NFASC: variants seen among roughly 807,000 people sequenced by gnomAD.
The protein encoded by NFASC is neurofascin, also known as neurofascin homolog.
Under a neutral mutation model 147.5 loss-of-function variants are expected in NFASC, and 43 were observed. The observed-to-expected ratio is 0.29, with a 90% confidence interval of 0.23 to 0.38. NFASC has a LOEUF of 0.38. Among genes scored for constraint, NFASC ranks in the 10% least tolerant of loss-of-function variants. NFASC has a pLI of 1.00. For synonymous variants in NFASC, 622 were observed against 665.5 expected, an observed-to-expected ratio of 0.93 and a Z score of 1.01; for missense variants, 1,320 against 1,689.0, an observed-to-expected ratio of 0.78 and a Z score of 3.83.
intron 1 of NFASC, among the ~76,000 whole-genome samples, chr1:204,835,459 C>T (rs2102405677): frequency 6.6e-6 from 1 of 152,152 alleles, no homozygotes; most frequent in East Asian, 1.9e-4. Context: ...GAACTCCTGA[C>T]CTCAAGTGAT....
At chr1:204,849,037 A>G (rs2075426150) in intron 1 of NFASC, among the ~76,000 whole-genome samples, 1 of 152,194 alleles carries the variant, frequency 6.6e-6, no homozygotes, top group African/African-American at 2.4e-5. Flanking sequence ...GCCTAAGTGA[A>G]TTCTGTGTGC....
At chr1:204,982,779 A>G (rs372003882) in intron 21 of NFASC, among the ~76,000 whole-genome samples, 31 of 152,148 alleles carry the variant, frequency 2.0e-4, no homozygotes, top group African/African-American at 7.2e-4. Context: ...CGCCCTGTTG[A>G]GTCTGGGTCT....
chr1:204,837,255 T>TG (rs761047971), intron 1 of NFASC, among the ~76,000 whole-genome samples: 5 of 151,982 alleles, frequency 3.3e-5, no homozygotes, highest in South Asian at 2.1e-4. Flanking sequence ...TGAAGAGAAG[T>TG]GGGGGTTGGC....
intron 1 of NFASC, among the ~76,000 whole-genome samples, chr1:204,883,099 T>C (rs181596867): frequency 6.6e-6 from 1 of 152,196 alleles, no homozygotes; most frequent in Non-Finnish European, 1.5e-5. Context: ...AAAGCCGATC[T>C]TAAACAGTAG....
chr1:204,937,391 A>G (rs2092958032), intron 2 of NFASC, among the ~76,000 whole-genome samples: 2 of 152,238 alleles, frequency 1.3e-5, no homozygotes. Context: ...AATGACAAGT[A>G]TCTACTATTA....
intron 1 of NFASC, among the ~76,000 whole-genome samples, chr1:204,901,739 A>G (rs990989718): frequency 6.6e-6 from 1 of 152,134 alleles, no homozygotes; most frequent in African/African-American, 2.4e-5. Context: ...AAATCACAGC[A>G]TGTTTGTAAG....
chr1:204,936,966 C>G (rs1196025748), intron 2 of NFASC, among the ~76,000 whole-genome samples: 1 of 152,234 alleles, frequency 6.6e-6, no homozygotes, highest in Non-Finnish European at 1.5e-5. Flanking sequence ...CAATGTGATT[C>G]CTGCCACAGG....
intron 16 of NFASC, 129 bp from the exon 17 acceptor site, chr1:204,977,552 G>C (rs1436403292): frequency 1.4e-6 from 1 of 715,080 alleles, no homozygotes; most frequent in Non-Finnish European, 2.3e-6. Context: ...GAAGGACGGG[G>C]ACAGCCCTGC....
chr1:204,869,479 T>A (rs1210710450), intron 1 of NFASC, among the ~76,000 whole-genome samples: 1 of 152,258 alleles, frequency 6.6e-6, no homozygotes, highest in East Asian at 1.9e-4. Context: ...TCCATTTGAT[T>A]AAAATATTTT....
At chr1:204,912,334 T>C (rs1331184153) in intron 1 of NFASC, among the ~76,000 whole-genome samples, 1 of 152,106 alleles carries the variant, frequency 6.6e-6, no homozygotes, top group East Asian at 1.9e-4. Context: ...TGTATTTTCA[T>C]TTTTATTCAG....
At chr1:204,960,994 A>G (rs1252781867) in intron 8 of NFASC, among the ~76,000 whole-genome samples, 1 of 152,134 alleles carries the variant, frequency 6.6e-6, no homozygotes, top group African/African-American at 2.4e-5. Flanking sequence ...AAATATGCAA[A>G]TGTTTTGGCA....
intron 1 of NFASC, among the ~76,000 whole-genome samples, chr1:204,848,298 A>G (rs1427888746): frequency 1.3e-5 from 2 of 152,184 alleles, no homozygotes; most frequent in Non-Finnish European, 2.9e-5. Flanking sequence ...TGGCGCAATT[A>G]CAGCTCACTG....
chr1:204,839,817 G>A (rs1410585094), intron 1 of NFASC, among the ~76,000 whole-genome samples: 8 of 152,326 alleles, frequency 5.3e-5, no homozygotes, highest in South Asian at 4.1e-4. Flanking sequence ...GAAGAGATTT[G>A]TTGGGTCTCC....
At chr1:205,005,647 C>T (rs778246924) in intron 27 of NFASC, among the ~76,000 whole-genome samples, 1 of 152,200 alleles carries the variant, frequency 6.6e-6, no homozygotes, top group African/African-American at 2.4e-5. Flanking sequence ...AAATGCCTTC[C>T]TCTCAGAGTC....
chr1:204,988,697 G>A lies in NFASC; in HGVS notation c.2658G>A (p.Thr886=), dbSNP rs763672918. The A allele has an allele frequency of 3.8e-5, 61 of 1,614,082 alleles. No homozygotes were observed. The highest frequency in any genetic ancestry group is 6.7e-5 in the East Asian group (3 of 44,900). ...ENFSPNQTKF[T]VQRTDPVSRY... ...TCTCTCCCAATCAGACCAAGTTCAC[G>A]GTGCAAAGAACGGACCCCGTGTCAC... The change falls in exon 23 of 30, where the codon ACG becomes ACA. Residue 886 remains threonine (T), a synonymous_variant. Transcript: ENST00000339876.
chr1:204,982,085 C>T (rs938573637), intron 21 of NFASC, 65 bp downstream of exon 21: 4 of 1,102,188 alleles, frequency 3.6e-6, no homozygotes, highest in East Asian at 2.9e-5. Context: ...AGGCCACGCT[C>T]ACAGGCCAGG....
chr1:205,012,857 T>C lies in NFASC; in HGVS notation c.3482T>C (p.Phe1161Ser), dbSNP rs758833738. ...GACCCCAAGGAAGAGGATGGCTCAT[T>C]TGACTATAGGTGCGTGATCTCCCTC... ...PEDPKEEDGS[F>S]DYSDEDNKPL... Residue 1161 changes from phenylalanine (F) to serine (S), a missense_variant, in exon 29 of 30, where the codon TTT (phenylalanine) becomes TCT (serine). By Grantham distance (155) the Phe-to-Ser change is radical (BLOSUM62 -2). Around this residue, in one of 3 missense-constraint regions of NFASC, gnomAD observed 167 missense variants for 233.8 expected, o/e 0.71. Coordinates refer to ENST00000339876, the MANE Select transcript of NFASC (RefSeq NM_001005388.3). The C allele has an allele frequency of 5.6e-6, 9 of 1,612,356 alleles. No individual in the cohort carries two copies. The highest frequency in any genetic ancestry group is 3.3e-5 in the South Asian group (3 of 91,054).
chr1:204,985,954 GTC>G, intron 21 of NFASC: 1 of 1,613,778 alleles, frequency 6.2e-7, no homozygotes, highest in East Asian at 2.2e-5. Flanking sequence ...ACCTGTGGGT[GTC>G]TCAGAAGAGA....
intron 1 of NFASC, among the ~76,000 whole-genome samples, chr1:204,861,483 A>G (rs2076667357): frequency 6.6e-6 from 1 of 152,012 alleles, no homozygotes; most frequent in Non-Finnish European, 1.5e-5. Flanking sequence ...AGGAACTGCC[A>G]GACTCATCTC....
Sources: gnomAD v4.1 joint callset for allele counts (sites outside exome capture counted in the v4.1 genomes callset) on GRCh38, gnomAD v4.1.1 for gene constraint, gnomAD v4.1.1 regional missense constraint, MANE v1.5 for transcripts, NCBI Gene and HGNC (gene_info 2026-07-23, HGNC 2026-07-21) for gene names.